Variants in ARPC1A observed in about 807,000 individuals in gnomAD.
ARPC1A encodes the protein actin related protein 2/3 complex subunit 1A.
A neutral mutation model predicts 46.9 loss-of-function variants in ARPC1A; 8 were observed. The observed-to-expected ratio is 0.17, with a 90% CI of 0.10 to 0.31. The LOEUF (loss-of-function observed/expected upper bound fraction) is 0.31, where lower values mean the gene tolerates loss of function less well. Ranked by LOEUF, ARPC1A falls within the 10% of genes least tolerant of loss-of-function variation. ARPC1A has a pLI of 1.00. For missense variants in ARPC1A, 286 were observed against 483.6 expected (o/e 0.59, Z 3.83); for synonymous variants, 152 against 169.0 (o/e 0.90, Z 0.78).
intron 5 of ARPC1A, among the ~76,000 whole-genome samples, chr7:99,352,454 C>T (rs1396387377): frequency 1.3e-4 from 20 of 151,208 alleles, no homozygotes; most frequent in African/African-American, 3.2e-4. Flanking sequence ...CCCAGGAGTT[C>T]GAGACCAGCC....
chr7:99,339,669 C>T (rs1158459876), intron 3 of ARPC1A, among the ~76,000 whole-genome samples: 1 of 152,234 alleles, frequency 6.6e-6, no homozygotes, highest in Non-Finnish European at 1.5e-5. Context: ...ATGTTGCTGT[C>T]TAGATCAAGT....
At chr7:99,332,762 C>T (rs191694226) in intron 1 of ARPC1A, among the ~76,000 whole-genome samples, 5 of 140,800 alleles carry the variant, frequency 3.6e-5, no homozygotes, top group Non-Finnish European at 4.8e-5. Context: ...CTACCATGCC[C>T]GGCTAATTTT....
intron 7 of ARPC1A, 68 bp from the exon 8 acceptor site, chr7:99,359,477 G>A (rs1250439477): frequency 4.3e-6 from 6 of 1,401,590 alleles, no homozygotes; most frequent in Non-Finnish European, 6.0e-6. Flanking sequence ...CTGTCGTGGT[G>A]AACACTCTGC....
intron 3 of ARPC1A, among the ~76,000 whole-genome samples, chr7:99,341,558 G>A (rs1490934100): frequency 6.7e-6 from 1 of 149,274 alleles, no homozygotes; most frequent in South Asian, 2.1e-4. Flanking sequence ...ACGGTGAGCC[G>A]AGATTGTGCC....
chr7:99,353,713 A>C (rs1166409662), intron 5 of ARPC1A, among the ~76,000 whole-genome samples, 196 bp from the exon 6 acceptor site: 1 of 146,776 alleles, frequency 6.8e-6, no homozygotes, highest in Non-Finnish European at 1.5e-5. Context: ...TCCCGACCTC[A>C]GGTGATCCAC....
chr7:99,342,347 GT>G (rs1352563534), intron 3 of ARPC1A, among the ~76,000 whole-genome samples: 1 of 152,106 alleles, frequency 6.6e-6, no homozygotes, highest in African/African-American at 2.4e-5. Context: ...GAGCCCTGGA[GT>G]TCAAGACCAG....
In ARPC1A at chr7:99,344,920, CTTTTTTTTTTTTTTTTT is replaced by C. The variant is rs1172071932; in HGVS notation, c.392+418_392+434del. Among the ~76,000 whole-genome samples, 3 of 20,100 alleles carry C rather than the reference CTTTTTTTTTTTTTTTTT, an allele frequency of 1.5e-4. 1 individual carries two copies. The highest frequency in any genetic ancestry group is 9.3e-5 in the Non-Finnish European group (1 of 10,742). The allele number at this position is 20,100 out of a possible 152,430, so 13.2% of individuals were successfully genotyped here. A position where few individuals can be genotyped will look rare whatever the true frequency, so the allele number is the denominator to read the frequency against. On this transcript the variant is annotated intron_variant, in intron 4 of 9. Coordinates refer to ENST00000262942, the MANE Select transcript of ARPC1A (RefSeq NM_006409.4). ...TAGGATTCCTACAGATAACAATGTT[CTTTTTTTTTTTTTTTTT>C]TTTTTTTTTTTTGAGACAGAGTCTT...
intron 1 of ARPC1A, among the ~76,000 whole-genome samples, chr7:99,330,815 A>T (rs1793132901): frequency 6.6e-6 from 1 of 152,074 alleles, no homozygotes; most frequent in South Asian, 2.1e-4. Context: ...TTGAAACTTG[A>T]GTTTATTGTG....
chr7:99,341,326 G>A (rs999736450), intron 3 of ARPC1A, among the ~76,000 whole-genome samples: 2 of 151,600 alleles, frequency 1.3e-5, no homozygotes, highest in African/African-American at 4.8e-5. Flanking sequence ...TAAAAAATTA[G>A]GCTGGGTGCA....
rs1401313693 is a variant in ARPC1A at position 99,366,190 on chromosome 7, C to G, written c.*261C>G. On this transcript the variant is annotated 3_prime_UTR_variant, in exon 10 of 10. Transcript: ENST00000262942. ...TAGTTTATTATGGAAAATTGTCACACTAACTTAAAAGACAGGGTGAGGGAG... is the reference window on the plus strand; with the variant it reads ...TAGTTTATTATGGAAAATTGTCACAGTAACTTAAAAGACAGGGTGAGGGAG... The G allele has an allele frequency of 2.1e-6, 1 of 475,894 alleles. No homozygotes were observed. Among genetic ancestry groups the G allele is most frequent in the East Asian group, 3.7e-5 (1 of 27,316 alleles). 29.5% of individuals were successfully genotyped at this position (475,894 alleles called of 1,614,324 possible). A position where few individuals can be genotyped will look rare whatever the true frequency, so the allele number is the denominator to read the frequency against.
At chr7:99,360,533 G>A (rs1793720934) in intron 8 of ARPC1A, among the ~76,000 whole-genome samples, 1 of 151,988 alleles carries the variant, frequency 6.6e-6, no homozygotes, top group Non-Finnish European at 1.5e-5. Context: ...CACCCTGTTG[G>A]CCATCCTGGT....
In ARPC1A at chr7:99,332,370, T is replaced by C. The variant is rs572340795; in HGVS notation, c.-29-955T>C. 3.2e-4 allele frequency among the ~76,000 whole-genome samples: 48 copies of C among 152,316 alleles called. No homozygotes were observed. The South Asian group carries it at 9.7e-3, about 31-fold the overall frequency. ...CCATCAGGAGGCCCATCCAGTTAGA[T>C]TGATCCACTATTTATAACATGGTGA... is the stretch of plus-strand genomic sequence containing the variant. On this transcript the variant is annotated intron_variant, in intron 1 of 9. Coordinates refer to ENST00000262942, the MANE Select transcript of ARPC1A (RefSeq NM_006409.4).
chr7:99,349,456 G>A (rs1047696948), intron 5 of ARPC1A, among the ~76,000 whole-genome samples: 1 of 152,054 alleles, frequency 6.6e-6, no homozygotes, highest in Non-Finnish European at 1.5e-5. Context: ...TGTAATCCCA[G>A]CACTTTGGGA....
chr7:99,353,798 A>G, intron 5 of ARPC1A, 111 bp from the exon 6 acceptor site: 2 of 1,083,610 alleles, frequency 1.8e-6, no homozygotes, highest in South Asian at 1.6e-5. Flanking sequence ...TTTTTTTTTA[A>G]TGAGTCAACC....
At chr7:99,355,352 A>G (rs1793611758) in intron 6 of ARPC1A, among the ~76,000 whole-genome samples, 2 of 152,226 alleles carry the variant, frequency 1.3e-5, no homozygotes, top group East Asian at 3.9e-4. Flanking sequence ...GGAAAATTTT[A>G]AAGACCTAGG....
At chr7:99,332,524 G>A (rs867794926) in intron 1 of ARPC1A, among the ~76,000 whole-genome samples, 5 of 152,086 alleles carry the variant, frequency 3.3e-5, no homozygotes, top group Admixed American at 2.0e-4. Flanking sequence ...GTCCATTGAC[G>A]ACCCTGAACA....
At chr7:99,356,677 G>A (rs575700598) in intron 6 of ARPC1A, among the ~76,000 whole-genome samples, 11 of 151,624 alleles carry the variant, frequency 7.3e-5, no homozygotes, top group East Asian at 3.9e-4. Context: ...CGAGGCGGGC[G>A]GATCACAAGG....
chr7:99,339,937 A>G (rs2150863001), intron 3 of ARPC1A: 1 of 455,252 alleles, frequency 2.2e-6, no homozygotes, highest in Non-Finnish European at 4.4e-6. Context: ...GAGAGTGCTC[A>G]TTTTCCCACA....
At chr7:99,331,521 G>A (rs1050557952) in intron 1 of ARPC1A, among the ~76,000 whole-genome samples, 7 of 151,920 alleles carry the variant, frequency 4.6e-5, no homozygotes, top group African/African-American at 7.2e-5. Flanking sequence ...TGGCAATACC[G>A]TTATCACACC....
Sources: allele counts gnomAD v4.1 joint callset (sites outside exome capture counted in the v4.1 genomes callset), GRCh38; gene constraint gnomAD v4.1.1; transcripts MANE v1.5; gene names NCBI Gene and HGNC (gene_info 2026-07-23, HGNC 2026-07-21).